The following MPI variants were observed in gnomAD, a reference collection of about 807,000 sequenced individuals.
MPI encodes the protein mannose-6-phosphate isomerase.
MPI carries 33 observed loss-of-function variants against 40.1 expected under a neutral mutation model. That is an observed-to-expected ratio of 0.82 (90% CI 0.62 to 1.10). MPI has a LOEUF of 1.10. MPI is among the 50% of genes least tolerant of loss of function. The probability of loss-of-function intolerance (pLI) is 0.00; values close to 1 mark genes in which losing one functional copy is unlikely to be tolerated. For synonymous variants in MPI, 187 were observed against 207.4 expected, an observed-to-expected ratio of 0.90 and a Z score of 0.85; for missense variants, 514 against 524.1, an observed-to-expected ratio of 0.98 and a Z score of 0.19.
intron 3 of MPI, among the ~76,000 whole-genome samples, 189 bp from the exon 4 acceptor site, chr15:74,892,472 C>T (rs2064741372): frequency 6.6e-6 from 1 of 152,246 alleles, no homozygotes; most frequent in Admixed American, 6.5e-5. Context: ...CCCTGATTTG[C>T]CCCTGCCCTG....
chr15:74,895,802 C>G, intron 5 of MPI: 1 of 273,100 alleles, frequency 3.7e-6, no homozygotes, highest in East Asian at 8.5e-5. Flanking sequence ...ACACATCCAT[C>G]AGTACACAGG....
Position 74,901,821 on chromosome 15 carries a change from C to T in MPI, c.*4091C>T, listed in dbSNP as rs1252605077. ...TGGGGCCAGCCCCAGTACCTTCGAC[C>T]TAATCTTTAGCTCAAAGACTGGGTG... On this transcript the variant is annotated 3_prime_UTR_variant, in exon 8 of 8. Coordinates refer to ENST00000352410, the MANE Select transcript of MPI (RefSeq NM_002435.3). The T allele has an allele frequency of 3.1e-6, 1 of 318,286 alleles. No homozygotes were observed. Among genetic ancestry groups the T allele is most frequent in the Admixed American group, 5.0e-5 (1 of 20,194 alleles). 19.7% of individuals were successfully genotyped at this position (318,286 alleles called of 1,614,324 possible).
chr15:74,890,366 A>C (rs919357727), intron 1 of MPI, 161 bp from the exon 2 acceptor site: 2 of 970,832 alleles, frequency 2.1e-6, no homozygotes, highest in Non-Finnish European at 3.1e-6. Context: ...GACAGTTGGG[A>C]ACATCGAGGC....
rs1054889865 is a variant in MPI at position 74,890,806 on chromosome 15, A to G, written c.144+152A>G. On this transcript the variant is annotated intron_variant, in intron 2 of 7. Transcript: ENST00000352410. Reference sequence around the variant, plus strand: ...GGCTAATGGACTAGATAGTGTTATCAAAAAGAAGAGAGGTTTTGTCATAAT... The same window carrying G: ...GGCTAATGGACTAGATAGTGTTATCGAAAAGAAGAGAGGTTTTGTCATAAT... 8.8e-6 allele frequency: 9 copies of G among 1,021,316 alleles called. No homozygotes were observed. The African/African-American group carries it at 1.4e-4, about 16-fold the overall frequency. 63.3% of individuals were successfully genotyped at this position (1,021,316 alleles called of 1,614,324 possible). A position where few individuals can be genotyped will look rare whatever the true frequency, so the allele number is the denominator to read the frequency against.
intron 5 of MPI, 73 bp from the exon 6 acceptor site, chr15:74,896,079 C>T (rs2064813036): frequency 1.3e-6 from 2 of 1,580,268 alleles, no homozygotes; most frequent in African/African-American, 1.3e-5. Context: ...CCTAGGACTC[C>T]CTGGCCAATG....
chr15:74,894,071 T>TTTTCTGA (rs1567267125), intron 5 of MPI, among the ~76,000 whole-genome samples: 1 of 61,600 alleles, frequency 1.6e-5, no homozygotes, highest in African/African-American at 5.7e-5. Context: ...TGTGTGTGTG[T>TTTTCTGA]GTGTGTGTGT....
Position 74,897,828 on chromosome 15 carries a change from C to A in MPI, c.*98C>A. 3 of 1,185,002 alleles carry A rather than the reference C, an allele frequency of 2.5e-6. No homozygotes were observed. The highest frequency in any genetic ancestry group is 3.7e-6 in the Non-Finnish European group (3 of 807,832). 73.4% of individuals were successfully genotyped at this position (1,185,002 alleles called of 1,614,324 possible). On this transcript the variant is annotated 3_prime_UTR_variant, in exon 8 of 8. Transcript: ENST00000352410. ...CTCAAGCCCCCTTCCTTGCTCTGGA[C>A]CCCTTAGGTATACCCTGGAAGAGCT...
At position 74,890,072 on chromosome 15, in the gene MPI, G is replaced by C. The variant is rs1481420799; in HGVS notation, c.-2G>C. 2 of 1,607,424 alleles carry C rather than the reference G, an allele frequency of 1.2e-6. No homozygotes were observed. Among genetic ancestry groups the C allele is most frequent in the East Asian group, 4.5e-5 (2 of 44,870 alleles). ...TGCTTAATCCTGGTGCAGGGGGCGA[G>C]CATGGCCGCTCCGCGAGGTGAGCCA... On this transcript the variant is annotated 5_prime_UTR_variant, in exon 1 of 8. Coordinates refer to ENST00000352410, the MANE Select transcript of MPI (RefSeq NM_002435.3).
At chr15:74,893,015 GT>G in intron 4 of MPI, 122 bp from the exon 5 acceptor site, 1 of 1,411,614 alleles carries the variant, frequency 7.1e-7, no homozygotes, top group East Asian at 2.3e-5. Context: ...CCACTGCAAA[GT>G]TTACTTAGCA....
In MPI at chr15:74,893,247, C is replaced by T. The variant is rs1486602044; in HGVS notation, c.597C>T (p.Ser199=). ...AVASSLQSCF[S]HLMKSEKKVV... ...CCTCCTCTCTGCAGAGCTGTTTCTCCCACCTGATGAAGAGTGAGAAGAAGG... is the reference window on the plus strand; with the variant it reads ...CCTCCTCTCTGCAGAGCTGTTTCTCTCACCTGATGAAGAGTGAGAAGAAGG... Residue 199 remains serine (S), a synonymous_variant, in exon 5 of 8, where the codon TCC becomes TCT. Transcript: ENST00000352410. 4 of 1,614,060 alleles carry T rather than the reference C, an allele frequency of 2.5e-6. No individual in the cohort carries two copies. The highest frequency in any genetic ancestry group is 2.7e-5 in the African/African-American group (2 of 74,908).
At chr15:74,894,807 GA>G (rs1328802554) in intron 5 of MPI, among the ~76,000 whole-genome samples, 1 of 148,288 alleles carries the variant, frequency 6.7e-6, no homozygotes, top group Admixed American at 6.7e-5. Flanking sequence ...AAAAGAAAAA[GA>G]AAAAGAAAAA....
chr15:74,892,027 C>A (rs1485078849), intron 3 of MPI, among the ~76,000 whole-genome samples: 1 of 151,562 alleles, frequency 6.6e-6, no homozygotes. Context: ...TTGAGTCTTG[C>A]TCTGTCGCCC....
At position 74,897,217 on chromosome 15, in the gene MPI, G is replaced by A. The variant is rs1237538373; in HGVS notation, c.1051G>A (p.Glu351Lys). 2.5e-6 allele frequency: 4 copies of A among 1,614,008 alleles called. No homozygotes were observed. The highest frequency in any genetic ancestry group is 1.3e-5 in the African/African-American group (1 of 75,042). ...ACCAGACTTCACCATTATGAAGACG[G>A]AGGTGAGTGAGGGGCTATGATGGGT... ...PVPDFTIMKTEVPGSVTEYKV... is the reference protein window; with the variant it reads ...PVPDFTIMKTKVPGSVTEYKV... Residue 351 changes from glutamate (E) to lysine (K), a missense_variant and splice_region_variant, in exon 7 of 8, where the codon GAG (glutamate) becomes AAG (lysine). Transcript: ENST00000352410.
intron 5 of MPI, among the ~76,000 whole-genome samples, chr15:74,894,824 T>A (rs2064793733): frequency 6.6e-6 from 1 of 151,656 alleles, no homozygotes. Flanking sequence ...AAAAAAAATT[T>A]AAAAATTAAA....
intron 1 of MPI, 167 bp downstream of exon 1, chr15:74,890,256 AG>A (rs2064704031): frequency 9.5e-7 from 1 of 1,054,702 alleles, no homozygotes. Context: ...CTCCGAGGGG[AG>A]GGGGCCCTTC....
Position 74,897,521 on chromosome 15 carries a change from T to G in MPI, c.1063T>G (p.Ser355Ala). The G allele has an allele frequency of 6.2e-7, 1 of 1,614,002 alleles. No homozygotes were observed. The highest frequency in any genetic ancestry group is 8.5e-7 in the Non-Finnish European group (1 of 1,179,902). ...FTIMKTEVPG[S>A]VTEYKVLALD... ...ATTTCTTCCTGCCCAGGTCCCTGGC[T>G]CTGTCACTGAATACAAGGTCTTGGC... The change falls in exon 8 of 8, where the codon TCT (serine) becomes GCT (alanine). Residue 355 changes from serine (S) to alanine (A), a missense_variant. Coordinates refer to ENST00000352410, the MANE Select transcript of MPI (RefSeq NM_002435.3).
chr15:74,893,952 CTCT>C (rs987018786), intron 5 of MPI, among the ~76,000 whole-genome samples: 12 of 142,538 alleles, frequency 8.4e-5, no homozygotes, highest in Non-Finnish European at 1.8e-4. Context: ...GCCCAGAGCT[CTCT>C]TTTTATTTTA....
At chr15:74,892,927 T>G in intron 4 of MPI, 125 bp downstream of exon 4, 1 of 1,506,564 alleles carries the variant, frequency 6.6e-7, no homozygotes, top group South Asian at 1.1e-5. Context: ...CATGAAGCAG[T>G]TTTTGGAGCC....
Position 74,893,890 on chromosome 15 carries a change from G to A in MPI, c.670+570G>A, listed in dbSNP as rs145049011. ...CCAGCAATGAGCTTATGTGGTGCAG[G>A]CGATGAGGTCTCAGCTTCTTAGCCT... On this transcript the variant is annotated intron_variant, in intron 5 of 7. Transcript: ENST00000352410. The A allele has an allele frequency of 4.3e-3, 713 of 164,516 alleles. 5 individuals are homozygous for A. Among genetic ancestry groups the A allele is most frequent in the South Asian group, 0.017 (101 of 5,912 alleles). The allele number at this position is 164,516 out of a possible 1,614,324, so 10.2% of individuals were successfully genotyped here. A position where few individuals can be genotyped will look rare whatever the true frequency, so the allele number is the denominator to read the frequency against.
Sources: allele counts gnomAD v4.1 joint callset (sites outside exome capture counted in the v4.1 genomes callset), GRCh38; gene constraint gnomAD v4.1.1; transcripts MANE v1.5; gene names NCBI Gene and HGNC (gene_info 2026-07-23, HGNC 2026-07-21).